GNAO1: variants seen among roughly 807,000 people sequenced by gnomAD.
The protein encoded by GNAO1 is guanine nucleotide-binding protein G(o) subunit alpha.
For synonymous variants in GNAO1, 164 were observed against 180.7 expected, an observed-to-expected ratio of 0.91 and a Z score of 0.74; for missense variants, 166 against 478.7, an observed-to-expected ratio of 0.35 and a Z score of 6.10.
intron 3 of GNAO1, among the ~76,000 whole-genome samples, chr16:56,313,298 AT>A (rs2037477332): frequency 6.6e-6 from 1 of 151,806 alleles, no homozygotes; most frequent in Non-Finnish European, 1.5e-5. Flanking sequence ...CCCAGTAAGC[AT>A]TTTGTTTATG....
chr16:56,263,385 T>A lies in GNAO1; in HGVS notation c.162-12546T>A, dbSNP rs2036922242. Among the ~76,000 whole-genome samples, 3 of 152,208 alleles carry A rather than the reference T, an allele frequency of 2.0e-5. No individual in the cohort carries two copies. In the South Asian group the frequency reaches 6.2e-4, roughly 32 times the overall value. On this transcript the variant is annotated intron_variant, in intron 2 of 8. Transcript: ENST00000262493. ...ATGTACCAAGCTCTGCCCTGGGCAC[T>A]ACAGTCTGTGAACTCAGTCCTCATG...
At chr16:56,330,242 C>T (rs976611522) in intron 4 of GNAO1, among the ~76,000 whole-genome samples, 4 of 152,166 alleles carry the variant, frequency 2.6e-5, no homozygotes, top group Admixed American at 2.0e-4. Context: ...TCCACCATTC[C>T]GTATGCACAA....
chr16:56,199,295 C>T (rs2036261059), intron 2 of GNAO1, among the ~76,000 whole-genome samples: 1 of 152,158 alleles, frequency 6.6e-6, no homozygotes, highest in Non-Finnish European at 1.5e-5. Flanking sequence ...GAGAAAAACA[C>T]CTCTAACCAA....
At chr16:56,226,126 G>A (rs79436015) in intron 2 of GNAO1, among the ~76,000 whole-genome samples, 2,638 of 152,166 alleles carry the variant, frequency 0.017, 46 homozygotes, top group South Asian at 0.053. Context: ...TGTGGAGGAC[G>A]GGCTGTGGAG....
intron 3 of GNAO1, chr16:56,301,101 A>T (rs2037339142): frequency 6.6e-6 from 1 of 152,306 alleles, no homozygotes; most frequent in African/African-American, 2.4e-5. Flanking sequence ...CTCTGAAGTC[A>T]GCCTGTGTGG....
chr16:56,235,165 C>T (rs1221987977), intron 2 of GNAO1: 1 of 375,412 alleles, frequency 2.7e-6, no homozygotes, highest in Admixed American at 3.3e-5. Context: ...GCTCATGCTC[C>T]CTTGAAGGCT....
chr16:56,246,401 T>TCAGAC (rs1235924679), intron 2 of GNAO1, among the ~76,000 whole-genome samples: 1 of 152,188 alleles, frequency 6.6e-6, no homozygotes, highest in African/African-American at 2.4e-5. Context: ...CAGGTCACAA[T>TCAGAC]CTGGAACATC....
intron 2 of GNAO1, among the ~76,000 whole-genome samples, chr16:56,231,326 C>T (rs1171108018): frequency 6.6e-6 from 1 of 152,210 alleles, no homozygotes; most frequent in Non-Finnish European, 1.5e-5. Context: ...CCATATGTCA[C>T]CTCTTCCAAG....
chr16:56,326,824 C>T lies in GNAO1; in HGVS notation c.304-1807C>T, dbSNP rs1334704575. On this transcript the variant is annotated intron_variant, in intron 3 of 8. Transcript: ENST00000262493. This position sits in a 1 kb window ranked among gnomAD's most constrained non-coding sequence, Gnocchi z 4.8. The stretch of plus-strand genomic sequence containing the variant: ...CCTACTCTGCGTTGGACATTAAAGG[C>T]TGTGGCTGCCTCAGACGGAGCACAT... 6.6e-6 allele frequency among the ~76,000 whole-genome samples: 1 copy of T among 152,234 alleles called. No homozygotes were observed. Among genetic ancestry groups the T allele is most frequent in the Non-Finnish European group, 1.5e-5 (1 of 68,046 alleles).
chr16:56,256,653 C>T (rs1336539183), intron 2 of GNAO1, among the ~76,000 whole-genome samples: 1 of 151,038 alleles, frequency 6.6e-6, no homozygotes, highest in East Asian at 1.9e-4. Flanking sequence ...ACTGATGGAT[C>T]AACTGAGACT....
At chr16:56,240,819 G>A (rs748638669) in intron 2 of GNAO1, among the ~76,000 whole-genome samples, 1 of 152,142 alleles carries the variant, frequency 6.6e-6, no homozygotes, top group Non-Finnish European at 1.5e-5. Flanking sequence ...CAGTCACGAG[G>A]AGAAGGATGC....
intron 2 of GNAO1, among the ~76,000 whole-genome samples, chr16:56,209,608 A>G (rs1474773210): frequency 2.6e-5 from 4 of 152,174 alleles, no homozygotes; most frequent in African/African-American, 7.2e-5. Context: ...TGAGCATGAT[A>G]TGTTTCACCA....
chr16:56,337,693 C>T (rs190389796), intron 6 of GNAO1, among the ~76,000 whole-genome samples: 34 of 152,302 alleles, frequency 2.2e-4, no homozygotes, highest in African/African-American at 7.5e-4. Context: ...GTGGGTGATG[C>T]GTGTGCAGCG....
intron 3 of GNAO1, 100 bp downstream of exon 3, chr16:56,276,172 G>C: frequency 2.0e-6 from 2 of 992,262 alleles, no homozygotes; most frequent in Admixed American, 5.0e-5. Flanking sequence ...TGAACGAGAA[G>C]AGACTCCGCT....
intron 2 of GNAO1, among the ~76,000 whole-genome samples, chr16:56,224,824 TTTGGCTCC>T (rs2036520484): frequency 6.6e-6 from 1 of 152,240 alleles, no homozygotes; most frequent in Non-Finnish European, 1.5e-5. Context: ...ATTTAGGGCA[TTTGGCTCC>T]TTGGGACTAA....
At chr16:56,237,191 A>G (rs1460446882) in intron 2 of GNAO1, among the ~76,000 whole-genome samples, 2 of 152,180 alleles carry the variant, frequency 1.3e-5, no homozygotes, top group African/African-American at 4.8e-5. Context: ...ACCAGTGCAA[A>G]TTAATATGGT....
At chr16:56,268,215 G>T (rs574367820) in intron 2 of GNAO1, among the ~76,000 whole-genome samples, 1 of 152,228 alleles carries the variant, frequency 6.6e-6, no homozygotes, top group Non-Finnish European at 1.5e-5. Flanking sequence ...GCCAGTCTTC[G>T]TGGCAAAGGA....
intron 3 of GNAO1, among the ~76,000 whole-genome samples, chr16:56,296,782 C>A (rs1235491760): frequency 6.6e-6 from 1 of 152,126 alleles, no homozygotes; most frequent in Non-Finnish European, 1.5e-5. Context: ...AAACAGAGCC[C>A]GTGATGGGAC....
At chr16:56,268,553 C>G (rs1457680228) in intron 2 of GNAO1, among the ~76,000 whole-genome samples, 2 of 152,208 alleles carry the variant, frequency 1.3e-5, no homozygotes, top group African/African-American at 4.8e-5. Flanking sequence ...GTCTGTCTCC[C>G]ATTGGAAATG....
Sources: allele counts gnomAD v4.1 joint callset (sites outside exome capture counted in the v4.1 genomes callset), GRCh38; gene constraint gnomAD v4.1.1; non-coding constraint Gnocchi (gnomAD v3.1); transcripts MANE v1.5; gene names NCBI Gene and HGNC (gene_info 2026-07-23, HGNC 2026-07-21).